Variants in SHPK observed in about 807,000 individuals in gnomAD.
SHPK encodes sedoheptulokinase.
A neutral mutation model predicts 46.3 loss-of-function variants in SHPK; 51 were observed. The ratio of observed to expected loss-of-function variants is 1.10; its 90% confidence interval spans 0.88 to 1.39. SHPK has a LOEUF of 1.39. SHPK is among the 40% of genes most tolerant of loss of function. The probability of loss-of-function intolerance (pLI) is 0.00; values close to 1 mark genes in which losing one functional copy is unlikely to be tolerated. For synonymous variants in SHPK, 290 were observed against 273.9 expected (o/e 1.06, Z -0.58); for missense variants, 668 against 641.3 (o/e 1.04, Z -0.45).
chr17:3,627,183 T>C (rs980845040), intron 2 of SHPK, among the ~76,000 whole-genome samples: 1 of 152,192 alleles, frequency 6.6e-6, no homozygotes. Context: ...ACCTGTCCTT[T>C]GTCCACTATT....
Position 3,610,612 on chromosome 17 carries a change from A to C in SHPK, c.1385T>G (p.Val462Gly), listed in dbSNP as rs780796172. Residue 462 changes from valine (V) to glycine (G), a missense_variant, in exon 7 of 7, where the codon GTC becomes GGC. By Grantham distance (109) the Val-to-Gly change is moderately radical (BLOSUM62 -3). Coordinates refer to ENST00000225519, the MANE Select transcript of SHPK (RefSeq NM_013276.4). The part of the protein sequence containing the change: ...MSFGQDVDAA[V>G]GAALVMLRRH... The stretch of plus-strand genomic sequence containing the variant: ...CCGGAGCATGACCAGAGCTGCCCCG[A>C]CAGCTGCATCCACATCCTGCCCAAA... 18 of 1,613,492 alleles carry C rather than the reference A, an allele frequency of 1.1e-5. No homozygotes were observed. The African/African-American group carries it at 2.4e-4, about 22-fold the overall frequency.
intron 6 of SHPK, among the ~76,000 whole-genome samples, chr17:3,613,282 CTGGGCG>C (rs898665256): frequency 6.6e-6 from 1 of 151,802 alleles, no homozygotes; most frequent in Non-Finnish European, 1.5e-5. Flanking sequence ...ATCAGCATTT[CTGGGCG>C]TGGGACCAGG....
chr17:3,621,440 G>A, intron 4 of SHPK, 28 bp from the exon 5 acceptor site: 2 of 1,603,362 alleles, frequency 1.2e-6, no homozygotes, highest in Non-Finnish European at 1.7e-6. Flanking sequence ...ACACCCACAT[G>A]GACCCACAGT....
intron 5 of SHPK, chr17:3,619,324 T>C (rs1366533787): frequency 1.8e-6 from 2 of 1,119,834 alleles, no homozygotes; most frequent in Non-Finnish European, 2.7e-6. Context: ...CCACCACAGT[T>C]ACGTGAGGTG....
At chr17:3,616,815 G>T (rs1291519162) in intron 5 of SHPK, among the ~76,000 whole-genome samples, 1 of 152,178 alleles carries the variant, frequency 6.6e-6, no homozygotes, top group Non-Finnish European at 1.5e-5. Context: ...CTTCGCTCAT[G>T]CAACCTCTGC....
rs2075414296 is a variant in SHPK, at chr17:3,623,415, T to G, written c.571A>C (p.Arg191=). ...GCATTCTGGTCGGACATCAGAGGTC[T>G]TGGCAAGCCACACAGCATGGCAACC... is the stretch of plus-strand genomic sequence containing the variant. ...YVVAMLCGLP[R]PLMSDQNAAS... is the part of the protein sequence containing the mutation. The change falls in exon 4 of 7, where the codon AGA becomes CGA. Residue 191 remains arginine (R), a synonymous_variant. Coordinates refer to ENST00000225519, the MANE Select transcript of SHPK (RefSeq NM_013276.4). 4.3e-6 allele frequency: 7 copies of G among 1,614,198 alleles called. No individual in the cohort carries two copies. The highest frequency in any genetic ancestry group is 5.1e-6 in the Non-Finnish European group (6 of 1,179,990).
At chr17:3,627,339 G>A (rs161371) in intron 2 of SHPK, among the ~76,000 whole-genome samples, 52,966 of 151,846 alleles carry the variant, frequency 0.35, 10,725 homozygotes, top group East Asian at 0.68. Flanking sequence ...TAATCACTCC[G>A]TCTCCTCCCC....
At chr17:3,619,502 A>G in intron 5 of SHPK, 1 of 718,690 alleles carries the variant, frequency 1.4e-6, no homozygotes, top group Non-Finnish European at 2.4e-6. Flanking sequence ...TGGGAGGCCA[A>G]GGCAGGCAGA....
chr17:3,626,896 A>G (rs1357065656), intron 2 of SHPK, among the ~76,000 whole-genome samples: 1 of 126,204 alleles, frequency 7.9e-6, no homozygotes, highest in Non-Finnish European at 1.5e-5. Context: ...ACTCCATCTC[A>G]AAAAAAATAA....
intron 3 of SHPK, 25 bp downstream of exon 3, chr17:3,624,023 C>T (rs759490943): frequency 7.6e-6 from 12 of 1,581,402 alleles, no homozygotes; most frequent in East Asian, 4.5e-5. Flanking sequence ...ACCCAGCACC[C>T]GAGTGAAAGT....
chr17:3,610,506 G>C lies in SHPK; in HGVS notation c.*54C>G. 1 of 1,521,374 alleles carries C rather than the reference G, an allele frequency of 6.6e-7. No individual in the cohort carries two copies. The allele number at this position is 1,521,374 out of a possible 1,614,324, so 94.2% of individuals were successfully genotyped here. ...AAAGGATGACCCACAGATGGTGTCA[G>C]GAATGTTAATCAGGTAAAATTCACA... On this transcript the variant is annotated 3_prime_UTR_variant, in exon 7 of 7. Coordinates refer to ENST00000225519, the MANE Select transcript of SHPK (RefSeq NM_013276.4).
intron 4 of SHPK, among the ~76,000 whole-genome samples, chr17:3,623,040 T>C (rs902109605): frequency 2.6e-5 from 4 of 152,206 alleles, no homozygotes; most frequent in African/African-American, 9.6e-5. Flanking sequence ...AAAGCTGTAC[T>C]CTGAAACCTA....
chr17:3,608,351 A>T lies in SHPK; in HGVS notation c.*2209T>A, dbSNP rs2075312783. Reference sequence around the variant, plus strand: ...GCACCTTACGGTTTCTCTTTGGCATATCCGAACAGCCAGCATCACTACCAG... The same window carrying T: ...GCACCTTACGGTTTCTCTTTGGCATTTCCGAACAGCCAGCATCACTACCAG... On this transcript the variant is annotated 3_prime_UTR_variant, in exon 7 of 7. Transcript: ENST00000225519. 6.6e-6 allele frequency: 1 copy of T among 152,076 alleles called. No homozygotes were observed. The highest frequency in any genetic ancestry group is 1.5e-5 in the Non-Finnish European group (1 of 68,028). 9.4% of individuals were successfully genotyped at this position (152,076 alleles called of 1,614,324 possible).
At chr17:3,615,576 T>A in intron 5 of SHPK, 39 bp from the exon 6 acceptor site, 1 of 1,586,882 alleles carries the variant, frequency 6.3e-7, no homozygotes, top group Non-Finnish European at 8.6e-7. Flanking sequence ...CCTGTCGGGC[T>A]AACTCAGAGG....
chr17:3,627,707 G>A (rs117237576), intron 2 of SHPK, among the ~76,000 whole-genome samples: 398 of 151,244 alleles, frequency 2.6e-3, no homozygotes, highest in Non-Finnish European at 4.2e-3. Context: ...TGTGGCTGAT[G>A]GTTTGTGTGG....
chr17:3,619,916 G>A lies in SHPK; in HGVS notation c.823+1321C>T, dbSNP rs572995101. 1.5e-4 allele frequency: 35 copies of A among 227,336 alleles called. 1 individual carries two copies. The South Asian group carries it at 2.0e-3, about 13-fold the overall frequency. 14.1% of individuals were successfully genotyped at this position (227,336 alleles called of 1,614,324 possible). ...CTCCGGCCTCCCAGCGCCGCCAAGC[G>A]CCATATCGTCCCACGTTCTCACGTT... is the stretch of plus-strand genomic sequence containing the variant. On this transcript the variant is annotated intron_variant, in intron 5 of 6. Transcript: ENST00000225519.
At position 3,610,694 on chromosome 17, in the gene SHPK, A is replaced by G. The variant is rs764295430; in HGVS notation, c.1303T>C (p.Ser435Pro). Residue 435 changes from serine to proline, a missense_variant, in exon 7 of 7, where the codon TCC (serine) becomes CCC (proline). Coordinates refer to ENST00000225519, the MANE Select transcript of SHPK (RefSeq NM_013276.4). ...TCCTGCTTCAGCACGTCATTCCTGGACAGCGCACTCCCACTGCCCATCACC... is the reference window on the plus strand; with the variant it reads ...TCCTGCTTCAGCACGTCATTCCTGGGCAGCGCACTCCCACTGCCCATCACC... ...ERVMGSGSAL[S>P]RNDVLKQEVQ... 6.2e-7 allele frequency: 1 copy of G among 1,614,068 alleles called. No homozygotes were observed. Among genetic ancestry groups the G allele is most frequent in the South Asian group, 1.1e-5 (1 of 91,082 alleles).
chr17:3,623,547 G>T lies in SHPK; in HGVS notation c.495-56C>A, dbSNP rs1056960376. The T allele has an allele frequency of 3.2e-6, 5 of 1,557,252 alleles. No individual in the cohort carries two copies. The African/African-American group carries it at 6.8e-5, about 21-fold the overall frequency. On this transcript the variant is annotated intron_variant, in intron 3 of 6. Coordinates refer to ENST00000225519, the MANE Select transcript of SHPK (RefSeq NM_013276.4). Reference sequence around the variant, plus strand: ...GTATAACATGAACTCGGAAGCATGTGCCGCACCTAGCTGCAGGCAGCAGGG... The same window carrying T: ...GTATAACATGAACTCGGAAGCATGTTCCGCACCTAGCTGCAGGCAGCAGGG...
chr17:3,612,805 G>T (rs939139740), intron 6 of SHPK, among the ~76,000 whole-genome samples: 1 of 150,284 alleles, frequency 6.7e-6, no homozygotes, highest in Non-Finnish European at 1.5e-5. Flanking sequence ...AGGCTGGAGT[G>T]CAGTGGCGCG....
Sources: gnomAD v4.1 joint callset for allele counts (sites outside exome capture counted in the v4.1 genomes callset) on GRCh38, gnomAD v4.1.1 for gene constraint, MANE v1.5 for transcripts, NCBI Gene and HGNC (gene_info 2026-07-23, HGNC 2026-07-21) for gene names.